R3HDM4: variants seen among roughly 807,000 people sequenced by gnomAD.
R3HDM4 encodes the protein R3H domain containing 4, also known as R3H domain-containing protein 4.
In R3HDM4, 30 loss-of-function variants were observed where a neutral mutation model predicts 31.3. The ratio of observed to expected loss-of-function variants is 0.96; its 90% CI spans 0.72 to 1.30. The LOEUF is 1.30. Among genes scored for constraint, R3HDM4 ranks in the 50% most tolerant of loss-of-function variants. The pLI is 0.00. For missense variants in R3HDM4, 444 were observed against 366.1 expected, an observed-to-expected ratio of 1.21 and a Z score of -1.74; for synonymous variants, 196 against 156.6, an observed-to-expected ratio of 1.25 and a Z score of -1.88.
Position 899,510 on chromosome 19 carries a change from C to T in R3HDM4, c.648-15G>A. 2 of 1,613,600 alleles carry T rather than the reference C, an allele frequency of 1.2e-6. No individual in the cohort carries two copies. Among genetic ancestry groups the T allele is most frequent in the Non-Finnish European group, 1.7e-6 (2 of 1,179,898 alleles). ...GCCTCTCGAAGCTGTGGGGAACGGG[C>T]AGTGAGCGCCGTGCAGGGGCTGCAG... is the stretch of plus-strand genomic sequence containing the variant. On this transcript the variant is annotated splice_polypyrimidine_tract_variant and intron_variant, in intron 6 of 7. Transcript: ENST00000361574. The surrounding 1 kb of genome is among the most constrained non-coding windows in gnomAD (Gnocchi z 6.8).
In R3HDM4 at chr19:901,820, C is replaced by A. The variant is rs535703942; in HGVS notation, c.226+156G>T. 4 of 728,138 alleles carry A rather than the reference C, an allele frequency of 5.5e-6. No homozygotes were observed. The African/African-American group carries it at 5.5e-5, about 10-fold the overall frequency. The allele number at this position is 728,138 out of a possible 1,614,324, so 45.1% of individuals were successfully genotyped here. On this transcript the variant is annotated intron_variant, in intron 2 of 7. Transcript: ENST00000361574. ...GTCCAGGGGGCGCCTGTGTCTGGCT[C>A]TATTTATATGGTCCCCCGGCCTACA...
rs2036741271 is a variant in R3HDM4, at chr19:896,627, G to A, written c.*810C>T. On this transcript the variant is annotated 3_prime_UTR_variant, in exon 8 of 8. Transcript: ENST00000361574. The surrounding 1 kb of genome is among the most constrained non-coding windows in gnomAD (Gnocchi z 4.0). Reference sequence around the variant, plus strand: ...CAGCCTGGGCCAGGAGGACCAGCATGGGGACACAGGAGCTATCAGGCAGGA... The same window carrying A: ...CAGCCTGGGCCAGGAGGACCAGCATAGGGACACAGGAGCTATCAGGCAGGA... 6.6e-6 allele frequency: 1 copy of A among 152,622 alleles called. No homozygotes were observed. Among genetic ancestry groups the A allele is most frequent in the Non-Finnish European group, 1.5e-5 (1 of 68,046 alleles). 9.5% of individuals were successfully genotyped at this position (152,622 alleles called of 1,614,324 possible). A position where few individuals can be genotyped will look rare whatever the true frequency, so the allele number is the denominator to read the frequency against.
rs1270509485 is a variant in R3HDM4, at chr19:907,188, GAGA to G, written c.72-5061_72-5059del. Among the ~76,000 whole-genome samples the G allele has an allele frequency of 6.6e-6, 1 of 152,196 alleles. No individual in the cohort carries two copies. Among genetic ancestry groups the G allele is most frequent in the Non-Finnish European group, 1.5e-5 (1 of 68,022 alleles). ...CCCATTGCTGCAAAGAGGGCAGCTGGAGAAGGAGGTGGTGGACCATGCCCTCAG... is the reference window on the plus strand; with the variant it reads ...CCCATTGCTGCAAAGAGGGCAGCTGGAGGAGGTGGTGGACCATGCCCTCAG... On this transcript the variant is annotated intron_variant, in intron 1 of 7. Coordinates refer to ENST00000361574, the MANE Select transcript of R3HDM4 (RefSeq NM_138774.4). The surrounding 1 kb of genome is among the most constrained non-coding windows in gnomAD (Gnocchi z 4.1).
In R3HDM4 at chr19:901,451, C is replaced by G. The variant is rs149198138; in HGVS notation, c.322G>C (p.Glu108Gln). 97 of 1,608,606 alleles carry G rather than the reference C, an allele frequency of 6.0e-5. No homozygotes were observed. In the African/African-American group the frequency reaches 1.1e-3, roughly 18 times the overall value. Residue 108 changes from glutamate to glutamine, a missense_variant, in exon 3 of 8, where the codon GAG becomes CAG. By Grantham distance (29) the Glu-to-Gln change is conservative. Transcript: ENST00000361574. ...APPASPGIFA[E>Q]ACNNATYVEV... Reference sequence around the variant, plus strand: ...ACATAGGTGGCGTTGTTGCAGGCCTCGGCAAAGATGCCTGGTGATGCAGGG... The same window carrying G: ...ACATAGGTGGCGTTGTTGCAGGCCTGGGCAAAGATGCCTGGTGATGCAGGG...
intron 1 of R3HDM4, among the ~76,000 whole-genome samples, chr19:910,533 G>C (rs918927161): frequency 6.7e-6 from 1 of 149,868 alleles, no homozygotes; most frequent in Non-Finnish European, 1.5e-5. Flanking sequence ...TTGGGAGGCC[G>C]AGGAGGCAGG....
chr19:899,355 T>C lies in R3HDM4; in HGVS notation c.703+85A>G. On this transcript the variant is annotated intron_variant, in intron 7 of 7. Transcript: ENST00000361574. This position sits in a 1 kb window ranked among gnomAD's most constrained non-coding sequence, Gnocchi z 6.8. ...TCCCCACCTCCCCACCAAGCCCCAC[T>C]CTGAGGAACCAGGCCCCTGGGACCC... The C allele has an allele frequency of 8.5e-7, 1 of 1,169,828 alleles. No homozygotes were observed. Among genetic ancestry groups the C allele is most frequent in the Non-Finnish European group, 1.2e-6 (1 of 813,914 alleles). The allele number at this position is 1,169,828 out of a possible 1,614,324, so 72.5% of individuals were successfully genotyped here. A position where few individuals can be genotyped will look rare whatever the true frequency, so the allele number is the denominator to read the frequency against.
chr19:899,779 C>T lies in R3HDM4; in HGVS notation c.562-93G>A, dbSNP rs1020331010. On this transcript the variant is annotated intron_variant, in intron 5 of 7. Coordinates refer to ENST00000361574, the MANE Select transcript of R3HDM4 (RefSeq NM_138774.4). This position sits in a 1 kb window ranked among gnomAD's most constrained non-coding sequence, Gnocchi z 6.8. ...GCCCCCAGGAGCCCACAGCGCTGGG[C>T]TCAAACATGACCTCTGACCCACCAC... The T allele has an allele frequency of 1.2e-5, 13 of 1,057,872 alleles. No individual in the cohort carries two copies. The highest frequency in any genetic ancestry group is 1.5e-5 in the Non-Finnish European group (11 of 743,752). 65.5% of individuals were successfully genotyped at this position (1,057,872 alleles called of 1,614,324 possible).
chr19:900,233 C>A, intron 4 of R3HDM4, 87 bp from the exon 5 acceptor site: 1 of 1,069,974 alleles, frequency 9.3e-7, no homozygotes, highest in Non-Finnish European at 1.3e-6. Context: ...CAGGGAAGAC[C>A]ACGCCCATCT....
chr19:899,622 T>TAC lies in R3HDM4; in HGVS notation c.624_625dup (p.Tyr209CysfsTer6). ...TTACCTGTTGTCTAGCATTGCTGTG[T>TAC]ACACGGCCTGGGGGGACACGGAGAA... is the stretch of plus-strand genomic sequence containing the variant. On this transcript the variant is annotated frameshift_variant, in exon 6 of 8. Transcript: ENST00000361574. LOFTEE classifies it high-confidence loss of function. This position sits in a 1 kb window ranked among gnomAD's most constrained non-coding sequence, Gnocchi z 6.8. 1 of 1,611,760 alleles carries TAC rather than the reference T, an allele frequency of 6.2e-7. No homozygotes were observed. The highest frequency in any genetic ancestry group is 8.5e-7 in the Non-Finnish European group (1 of 1,179,156).
chr19:908,894 C>G (rs372828310), intron 1 of R3HDM4, among the ~76,000 whole-genome samples: 1 of 152,196 alleles, frequency 6.6e-6, no homozygotes. Context: ...GTCCGCCCCC[C>G]GCCCACCGCC....
intron 7 of R3HDM4, among the ~76,000 whole-genome samples, chr19:898,572 C>G (rs1944913907): frequency 6.6e-6 from 1 of 151,952 alleles, no homozygotes; most frequent in African/African-American, 2.4e-5. Flanking sequence ...GCACTCCAGC[C>G]TGGGTGGCAG....
intron 1 of R3HDM4, among the ~76,000 whole-genome samples, chr19:911,544 G>A (rs548217050): frequency 6.6e-6 from 1 of 152,352 alleles, no homozygotes; most frequent in African/African-American, 2.4e-5. Context: ...GTGCCAGCTC[G>A]GTAACCCCCA....
In R3HDM4 at chr19:913,182, G is replaced by A. The variant is rs1463069686; in HGVS notation, c.-25C>T. ...TGGCTCGCACGCTGTCGCCGCCGCCGCCGCCCGGCAGGGCCTTCACCGGGC... is the reference window on the plus strand; with the variant it reads ...TGGCTCGCACGCTGTCGCCGCCGCCACCGCCCGGCAGGGCCTTCACCGGGC... On this transcript the variant is annotated 5_prime_UTR_variant, in exon 1 of 8. Coordinates refer to ENST00000361574, the MANE Select transcript of R3HDM4 (RefSeq NM_138774.4). The surrounding 1 kb of genome is among the most constrained non-coding windows in gnomAD (Gnocchi z 5.0). 1.9e-6 allele frequency: 2 copies of A among 1,059,312 alleles called. No homozygotes were observed. Among genetic ancestry groups the A allele is most frequent in the Non-Finnish European group, 2.3e-6 (2 of 880,328 alleles). The allele number at this position is 1,059,312 out of a possible 1,614,324, so 65.6% of individuals were successfully genotyped here. A position where few individuals can be genotyped will look rare whatever the true frequency, so the allele number is the denominator to read the frequency against.
intron 3 of R3HDM4, 57 bp downstream of exon 3, chr19:901,361 TGGCC>T (rs2036833890): frequency 1.3e-6 from 2 of 1,548,224 alleles, no homozygotes; most frequent in Admixed American, 3.6e-5. Flanking sequence ...GGCGATGGCC[TGGCC>T]GTAGGAGAAC....
intron 1 of R3HDM4, among the ~76,000 whole-genome samples, chr19:906,627 G>T (rs1282809689): frequency 6.6e-6 from 1 of 152,082 alleles, no homozygotes; most frequent in African/African-American, 2.4e-5. Flanking sequence ...CATCTCAGCT[G>T]CCACTTGCTT....
chr19:911,404 A>G (rs2145305262), intron 1 of R3HDM4, among the ~76,000 whole-genome samples: 1 of 152,356 alleles, frequency 6.6e-6, no homozygotes, highest in South Asian at 2.1e-4. Context: ...AGATCGTGCC[A>G]CTGCACTCCA....
intron 1 of R3HDM4, among the ~76,000 whole-genome samples, chr19:904,189 G>A (rs1382678367): frequency 3.3e-5 from 5 of 152,084 alleles, no homozygotes; most frequent in Non-Finnish European, 7.4e-5. Context: ...CACCCCACCT[G>A]AAACACATTC....
intron 2 of R3HDM4, 33 bp from the exon 3 acceptor site, chr19:901,579 TG>T: frequency 6.3e-7 from 1 of 1,581,156 alleles, no homozygotes; most frequent in South Asian, 1.1e-5. Flanking sequence ...TGGGCCGGGG[TG>T]GCATTTGGGG....
Position 909,170 on chromosome 19 carries a change from C to A in R3HDM4, c.71+3917G>T, listed in dbSNP as rs542914191. Among the ~76,000 whole-genome samples, 3 of 152,300 alleles carry A rather than the reference C, an allele frequency of 2.0e-5. No individual in the cohort carries two copies. The East Asian group carries it at 5.8e-4, about 29-fold the overall frequency. On this transcript the variant is annotated intron_variant, in intron 1 of 7. Transcript: ENST00000361574. Reference sequence around the variant, plus strand: ...AGCTGCTGGAGTTTGGGGGAACAGGCCTCCCGGCCACTCCCAATTCTACTC... The same window carrying A: ...AGCTGCTGGAGTTTGGGGGAACAGGACTCCCGGCCACTCCCAATTCTACTC...
Sources: gnomAD v4.1 joint callset for allele counts (sites outside exome capture counted in the v4.1 genomes callset) on GRCh38, gnomAD v4.1.1 for gene constraint, Gnocchi (gnomAD v3.1) non-coding constraint, MANE v1.5 for transcripts, NCBI Gene and HGNC (gene_info 2026-07-23, HGNC 2026-07-21) for gene names.